INTS15: variants seen among roughly 807,000 people sequenced by gnomAD.
The protein encoded by INTS15 is integrator complex subunit 15, also known as uncharacterized protein C7orf26.
At chr7:6,603,383 A>G in the INTS15 span, among the ~76,000 whole-genome samples, 1 of 152,030 alleles carries the variant, frequency 6.6e-6, no homozygotes, top group South Asian at 2.1e-4. Flanking sequence ...CCCCATCTCT[A>G]CTAAAAATAC....
the INTS15 span, chr7:6,602,152 C>G: frequency 1.2e-6 from 2 of 1,611,440 alleles, no homozygotes; most frequent in Non-Finnish European, 1.7e-6. Flanking sequence ...TAAGTATCCT[C>G]AGGACTCCTA....
the INTS15 span, among the ~76,000 whole-genome samples, chr7:6,600,680 C>T: frequency 4.6e-5 from 7 of 152,218 alleles, no homozygotes; most frequent in Admixed American, 2.6e-4. Context: ...TTTATTGCGA[C>T]GGAGTCTCAC....
the INTS15 span, among the ~76,000 whole-genome samples, chr7:6,604,191 C>T: frequency 1.3e-5 from 2 of 152,184 alleles, no homozygotes; most frequent in Non-Finnish European, 2.9e-5. Flanking sequence ...ATCCTCCCAC[C>T]TCAGCCTCCC....
chr7:6,607,502 C>G, the INTS15 span: 1 of 1,302,646 alleles, frequency 7.7e-7, no homozygotes, highest in East Asian at 5.5e-5. This position sits in a 1 kb window ranked among gnomAD's most constrained non-coding sequence, Gnocchi z 6.0. Flanking sequence ...GGGCCGTCCC[C>G]GAGGGGGCCG....
chr7:6,594,651 G>C, the INTS15 span: 2 of 1,573,098 alleles, frequency 1.3e-6, no homozygotes, highest in South Asian at 2.2e-5. Flanking sequence ...TCAATGGCTA[G>C]TTTTATTTTC....
the INTS15 span, chr7:6,607,512 G>A: frequency 7.7e-7 from 1 of 1,305,254 alleles, no homozygotes; most frequent in Non-Finnish European, 1.0e-6. This position sits in a 1 kb window ranked among gnomAD's most constrained non-coding sequence, Gnocchi z 6.0. Flanking sequence ...CGAGGGGGCC[G>A]CACCGGACTC....
the INTS15 span, chr7:6,590,416 G>C: frequency 6.2e-7 from 1 of 1,604,896 alleles, no homozygotes; most frequent in Admixed American, 1.7e-5. Flanking sequence ...CAAGGGCCCC[G>C]TGGAGCTGCT....
the INTS15 span, among the ~76,000 whole-genome samples, chr7:6,592,440 G>A: frequency 1.3e-5 from 2 of 149,926 alleles, no homozygotes; most frequent in Middle Eastern, 3.3e-3. Context: ...GGTAGCACGC[G>A]CCTGTGGTCC....
the INTS15 span, chr7:6,602,056 G>A: frequency 6.4e-7 from 1 of 1,564,108 alleles, no homozygotes; most frequent in African/African-American, 1.4e-5. Flanking sequence ...ATTTCACCGT[G>A]TTGTCTCCAG....
the INTS15 span, among the ~76,000 whole-genome samples, chr7:6,606,416 C>G: frequency 6.6e-6 from 1 of 152,058 alleles, no homozygotes; most frequent in South Asian, 2.1e-4. Context: ...GCTGGGAAAA[C>G]GGGTTGTTGT....
chr7:6,600,022 GA>G, the INTS15 span: 2 of 1,614,186 alleles, frequency 1.2e-6, no homozygotes, highest in Non-Finnish European at 1.7e-6. Flanking sequence ...AAAGGAAAAA[GA>G]AGCCCCCCTT....
At chr7:6,608,080 C>CCCCCCCCCCCCCCCCCCA in the INTS15 span, 3 of 1,566,326 alleles carry the variant, frequency 1.9e-6, no homozygotes, top group Non-Finnish European at 2.6e-6. Context: ...CGGCCCACCC[C>CCCCCCCCCCCCCCCCCCA]GCCGCCCACC....
the INTS15 span, among the ~76,000 whole-genome samples, chr7:6,604,935 GC>G: frequency 2.6e-5 from 4 of 152,002 alleles, no homozygotes; most frequent in African/African-American, 9.7e-5. Context: ...AGATCAGAGG[GC>G]CACCTCTCCC....
the INTS15 span, chr7:6,602,007 G>T: frequency 8.8e-7 from 1 of 1,138,294 alleles, no homozygotes; most frequent in East Asian, 2.4e-5. Context: ...AGGCGCTCTT[G>T]CTGTCTTGCT....
At chr7:6,593,477 C>T in the INTS15 span, among the ~76,000 whole-genome samples, 1 of 150,712 alleles carries the variant, frequency 6.6e-6, no homozygotes, top group Non-Finnish European at 1.5e-5. Flanking sequence ...ACTACAGGCG[C>T]CCACCATCAG....
the INTS15 span, chr7:6,608,512 T>C: frequency 5.2e-6 from 6 of 1,161,628 alleles, no homozygotes; most frequent in Non-Finnish European, 6.4e-6. Flanking sequence ...CTGGCCTCTT[T>C]CCTCGTGAAG....
At chr7:6,608,082 C>T in the INTS15 span, 230 of 1,538,082 alleles carry the variant, frequency 1.5e-4, no homozygotes, top group Admixed American at 2.1e-4. Flanking sequence ...GCCCACCCCG[C>T]CGCCCACCCC....
the INTS15 span, among the ~76,000 whole-genome samples, chr7:6,605,759 T>C: frequency 6.6e-6 from 1 of 152,072 alleles, no homozygotes; most frequent in African/African-American, 2.4e-5. Context: ...AGTGCCGTGG[T>C]GTGATCTCGG....
chr7:6,597,004 A>C, the INTS15 span, among the ~76,000 whole-genome samples: 1 of 151,284 alleles, frequency 6.6e-6, no homozygotes, highest in African/African-American at 2.4e-5. Flanking sequence ...GGTCTCGATC[A>C]CCTGACCTCG....
Sources: gnomAD v4.1 joint callset for allele counts (sites outside exome capture counted in the v4.1 genomes callset) on GRCh38, gnomAD v4.1.1 for gene constraint, Gnocchi (gnomAD v3.1) non-coding constraint, MANE v1.5 for transcripts, NCBI Gene and HGNC (gene_info 2026-07-23, HGNC 2026-07-21) for gene names.